Variants in ITGA9 observed in about 807,000 individuals in gnomAD.
ITGA9 encodes the protein integrin subunit alpha 9.
A neutral mutation model predicts 127.8 loss-of-function variants in ITGA9; 56 were observed. The ratio of observed to expected loss-of-function variants is 0.44; its 90% CI spans 0.35 to 0.55. The LOEUF is 0.55. ITGA9 is among the 20% of genes least tolerant of loss of function. The pLI is 0.00. For missense variants in ITGA9, 1,196 were observed against 1,347.1 expected (o/e 0.89, Z 1.76); for synonymous variants, 508 against 514.5 (o/e 0.99, Z 0.17).
intron 18 of ITGA9, among the ~76,000 whole-genome samples, chr3:37,725,431 A>G (rs1347851385): frequency 6.6e-6 from 1 of 152,096 alleles, no homozygotes; most frequent in East Asian, 1.9e-4. Context: ...TTTTCCCCAC[A>G]CCTGTGTGTA....
chr3:37,537,012 C>T (rs1464459022), intron 14 of ITGA9, among the ~76,000 whole-genome samples: 3 of 152,210 alleles, frequency 2.0e-5, no homozygotes, highest in South Asian at 4.1e-4. Context: ...GAAGGTGGGA[C>T]CCACATCTGT....
intron 18 of ITGA9, among the ~76,000 whole-genome samples, chr3:37,729,380 G>A (rs141690557): frequency 9.3e-4 from 141 of 152,256 alleles, no homozygotes; most frequent in Non-Finnish European, 1.5e-3. Flanking sequence ...TGTTCCTAGA[G>A]ATGATGTCTT....
At position 37,508,543 on chromosome 3, in the gene ITGA9, T is replaced by C. The variant is rs759541780; in HGVS notation, c.829-16T>C. 1 of 1,607,390 alleles carries C rather than the reference T, an allele frequency of 6.2e-7. No homozygotes were observed. Among genetic ancestry groups the C allele is most frequent in the South Asian group, 1.1e-5 (1 of 90,846 alleles). The stretch of plus-strand genomic sequence containing the variant: ...TGATTTCATCCTAACTAGATTTTTT[T>C]TTTTTCATTCCATAGGTTTATATTT... On this transcript the variant is annotated splice_polypyrimidine_tract_variant and intron_variant, in intron 7 of 27. Transcript: ENST00000264741.
rs544157909 is a variant in ITGA9 at position 37,681,463 on chromosome 3, A to G, written c.1917-2402A>G. Among the ~76,000 whole-genome samples the G allele has an allele frequency of 3.9e-4, 60 of 152,276 alleles. No individual in the cohort carries two copies. The Middle Eastern group carries it at 0.02, about 52-fold the overall frequency. ...ACCCTTAGATCACATGATTTCACTT[A>G]GGCAAGTGCCCACACCCTAGTGATC... On this transcript the variant is annotated intron_variant, in intron 17 of 27. Coordinates refer to ENST00000264741, the MANE Select transcript of ITGA9 (RefSeq NM_002207.3).
chr3:37,520,741 T>G (rs1207631395), intron 11 of ITGA9, among the ~76,000 whole-genome samples: 2 of 152,126 alleles, frequency 1.3e-5, no homozygotes, highest in Non-Finnish European at 2.9e-5. Context: ...CACATCTGAG[T>G]CACAAGAGCT....
chr3:37,511,998 CTTTT>C (rs1698912691), intron 8 of ITGA9, among the ~76,000 whole-genome samples: 20 of 40,140 alleles, frequency 5.0e-4, no homozygotes, highest in African/African-American at 1.2e-3. Context: ...CTTTTCTTTT[CTTTT>C]CTTTTCTTTT....
chr3:37,541,705 A>T (rs1699274649), intron 14 of ITGA9, among the ~76,000 whole-genome samples: 1 of 152,190 alleles, frequency 6.6e-6, no homozygotes, highest in Non-Finnish European at 1.5e-5. Context: ...AAGGATAGGC[A>T]CTACAAAATG....
intron 24 of ITGA9, among the ~76,000 whole-genome samples, chr3:37,779,336 C>T (rs1447234433): frequency 3.3e-5 from 5 of 152,152 alleles, no homozygotes; most frequent in African/African-American, 1.2e-4. Flanking sequence ...AACTCCTGAT[C>T]TCAGGTGACC....
chr3:37,669,584 AT>A (rs1221615839), intron 17 of ITGA9, among the ~76,000 whole-genome samples: 10 of 152,154 alleles, frequency 6.6e-5, no homozygotes, highest in Admixed American at 6.5e-4. Flanking sequence ...GCTTTTTAGG[AT>A]TCCAAGTTTC....
chr3:37,740,035 G>A (rs1696414115), intron 20 of ITGA9, among the ~76,000 whole-genome samples: 1 of 152,206 alleles, frequency 6.6e-6, no homozygotes, highest in Admixed American at 6.5e-5. Context: ...AGGAGCCAGG[G>A]CAGAGACTGT....
chr3:37,795,094 C>G (rs1031728450), intron 26 of ITGA9, among the ~76,000 whole-genome samples: 1 of 152,148 alleles, frequency 6.6e-6, no homozygotes, highest in South Asian at 2.1e-4. Context: ...TATTCTCTTT[C>G]CACTTCTTAT....
chr3:37,760,441 C>G (rs1329914092), intron 23 of ITGA9, among the ~76,000 whole-genome samples: 1 of 151,914 alleles, frequency 6.6e-6, no homozygotes, highest in Non-Finnish European at 1.5e-5. Flanking sequence ...GGTTGAAGCC[C>G]CAGAGGCCTT....
intron 22 of ITGA9, chr3:37,748,958 G>GA: frequency 1.6e-6 from 1 of 616,658 alleles, no homozygotes; most frequent in Non-Finnish European, 2.9e-6. Flanking sequence ...AAAGAAAAAA[G>GA]AAAAATCCTT....
At chr3:37,577,519 C>T (rs1699665313) in intron 15 of ITGA9, among the ~76,000 whole-genome samples, 1 of 152,210 alleles carries the variant, frequency 6.6e-6, no homozygotes, top group African/African-American at 2.4e-5. Flanking sequence ...TCTTCTGGTG[C>T]ATTTCTAACA....
chr3:37,544,306 G>T (rs1014357641), intron 15 of ITGA9, among the ~76,000 whole-genome samples: 1 of 152,100 alleles, frequency 6.6e-6, no homozygotes, highest in Non-Finnish European at 1.5e-5. Context: ...TTGCGCAAGG[G>T]GTTGGTCCTG....
intron 23 of ITGA9, among the ~76,000 whole-genome samples, chr3:37,765,732 G>A (rs1336126108): frequency 6.6e-6 from 1 of 152,190 alleles, no homozygotes; most frequent in African/African-American, 2.4e-5. Context: ...GTGGGGGTAA[G>A]CTTCAGTCCC....
intron 16 of ITGA9, among the ~76,000 whole-genome samples, chr3:37,637,874 T>C (rs1458248243): frequency 6.6e-6 from 1 of 152,156 alleles, no homozygotes. Flanking sequence ...GTTTTCACTA[T>C]GTTGGCCAGG....
At chr3:37,766,105 A>G (rs1431496938) in intron 23 of ITGA9, among the ~76,000 whole-genome samples, 2 of 152,272 alleles carry the variant, frequency 1.3e-5, no homozygotes, top group Non-Finnish European at 2.9e-5. Flanking sequence ...AGGAAATCTC[A>G]CTGAGGATAA....
intron 7 of ITGA9, among the ~76,000 whole-genome samples, chr3:37,507,005 C>T (rs1456072701): frequency 6.6e-6 from 1 of 152,186 alleles, no homozygotes. Context: ...ACGAACTTTC[C>T]AGTTGACTAG....
Sources: allele counts gnomAD v4.1 joint callset (sites outside exome capture counted in the v4.1 genomes callset), GRCh38; gene constraint gnomAD v4.1.1; transcripts MANE v1.5; gene names NCBI Gene and HGNC (gene_info 2026-07-23, HGNC 2026-07-21).